NRXN3: variants seen among roughly 807,000 people sequenced by gnomAD.
NRXN3 encodes neurexin 3, also known as neurexin III.
NRXN3 carries 32 observed loss-of-function variants against 137.6 expected under a neutral mutation model. The ratio of observed to expected loss-of-function variants is 0.23; its 90% CI spans 0.18 to 0.31. The LOEUF is 0.31. NRXN3 is among the 10% of genes least tolerant of loss of function. NRXN3 has a pLI of 1.00. For missense variants in NRXN3, 1,574 were observed against 2,062.5 expected, an observed-to-expected ratio of 0.76 and a Z score of 4.59; for synonymous variants, 798 against 784.5, an observed-to-expected ratio of 1.02 and a Z score of -0.29.
intron 10 of NRXN3, among the ~76,000 whole-genome samples, chr14:78,898,117 A>G (rs2099183702): frequency 6.6e-6 from 1 of 151,902 alleles, no homozygotes; most frequent in South Asian, 2.1e-4. Flanking sequence ...TTTTTAATAA[A>G]TCTAGTAATA....
chr14:78,614,690 C>T (rs1183106378), intron 4 of NRXN3, among the ~76,000 whole-genome samples: 1 of 152,126 alleles, frequency 6.6e-6, no homozygotes, highest in Non-Finnish European at 1.5e-5. Context: ...ATATTTTGCA[C>T]TTGAAGTTTG....
At chr14:78,279,782 G>A (rs958411028) in intron 3 of NRXN3, 2 of 152,082 alleles carry the variant, frequency 1.3e-5, no homozygotes, top group African/African-American at 2.4e-5. Context: ...GTTTGTTTTT[G>A]CTTAGAGATA....
At chr14:79,850,712 G>T (rs1355851510) in intron 20 of NRXN3, among the ~76,000 whole-genome samples, 2 of 152,054 alleles carry the variant, frequency 1.3e-5, no homozygotes, top group African/African-American at 2.4e-5. Flanking sequence ...ATGAAATCAG[G>T]CAGTTATTAA....
chr14:78,666,410 A>G (rs2097887130), intron 6 of NRXN3, among the ~76,000 whole-genome samples: 1 of 152,202 alleles, frequency 6.6e-6, no homozygotes, highest in African/African-American at 2.4e-5. Context: ...AAAAGGAAAG[A>G]TAAGAAAAGC....
intron 15 of NRXN3, among the ~76,000 whole-genome samples, chr14:79,236,709 G>T (rs1217702856): frequency 2.6e-5 from 4 of 151,952 alleles, no homozygotes; most frequent in African/African-American, 9.7e-5. Context: ...CTCAAGAGTT[G>T]GAGACCAGCC....
chr14:79,504,939 G>T (rs977740944), intron 16 of NRXN3, among the ~76,000 whole-genome samples: 1 of 151,978 alleles, frequency 6.6e-6, no homozygotes, highest in Admixed American at 6.6e-5. Flanking sequence ...AAATGGCTGC[G>T]CTCAGTGGCT....
At chr14:78,869,351 C>T (rs946234880) in intron 10 of NRXN3, among the ~76,000 whole-genome samples, 1 of 152,112 alleles carries the variant, frequency 6.6e-6, no homozygotes, top group African/African-American at 2.4e-5. Context: ...ATTTCTATTT[C>T]CAGGCATATC....
chr14:78,591,410 A>G (rs780312705), intron 4 of NRXN3, among the ~76,000 whole-genome samples: 9 of 152,154 alleles, frequency 5.9e-5, no homozygotes, highest in Admixed American at 1.3e-4. Context: ...TGTGGACCAC[A>G]TTTTGAGTAG....
At position 79,867,873 on chromosome 14, in the gene NRXN3, C is replaced by T. The variant is rs981143700; in HGVS notation, c.*5909C>T. 1.3e-5 allele frequency: 2 copies of T among 151,526 alleles called. No individual in the cohort carries two copies. The highest frequency in any genetic ancestry group is 4.9e-5 in the African/African-American group (2 of 41,186). 9.4% of individuals were successfully genotyped at this position (151,526 alleles called of 1,614,324 possible). ...TGTTAGGGTTGCATGAGAGTGAGGGCATATAAGACAACAACAGCTAAAAGC... is the reference window on the plus strand; with the variant it reads ...TGTTAGGGTTGCATGAGAGTGAGGGTATATAAGACAACAACAGCTAAAAGC... On this transcript the variant is annotated 3_prime_UTR_variant, in exon 21 of 21. Transcript: ENST00000335750.
At chr14:78,328,331 A>G (rs2080354276) in intron 4 of NRXN3, among the ~76,000 whole-genome samples, 1 of 152,202 alleles carries the variant, frequency 6.6e-6, no homozygotes, top group Non-Finnish European at 1.5e-5. Context: ...TTTTCCAGCA[A>G]CTACTCAAGT....
intron 15 of NRXN3, among the ~76,000 whole-genome samples, chr14:79,460,799 G>A (rs1184014757): frequency 2.0e-5 from 3 of 152,150 alleles, no homozygotes; most frequent in Non-Finnish European, 4.4e-5. Context: ...TAACTGTTAG[G>A]CAATGTTGTC....
intron 10 of NRXN3, among the ~76,000 whole-genome samples, chr14:78,831,274 GAAC>G (rs2098980911): frequency 6.6e-6 from 1 of 151,970 alleles, no homozygotes; most frequent in South Asian, 2.1e-4. Context: ...AAAAAGAATA[GAAC>G]AATATCACAC....
At chr14:79,770,905 A>C (rs1449689067) in intron 19 of NRXN3, among the ~76,000 whole-genome samples, 1 of 152,208 alleles carries the variant, frequency 6.6e-6, no homozygotes, top group Non-Finnish European at 1.5e-5. Flanking sequence ...AAAAGAGAGA[A>C]GAATCAAATA....
chr14:79,139,940 T>C (rs560066794), intron 15 of NRXN3, among the ~76,000 whole-genome samples: 1 of 149,540 alleles, frequency 6.7e-6, no homozygotes, highest in Non-Finnish European at 1.5e-5. Context: ...ATACATGGCA[T>C]ATATACATAT....
intron 1 of NRXN3, among the ~76,000 whole-genome samples, chr14:78,179,832 C>CTT (rs2059637167): frequency 3.0e-5 from 3 of 100,302 alleles, no homozygotes; most frequent in Non-Finnish European, 4.3e-5. Context: ...TTGTTTGTTT[C>CTT]TGTTTTTTTG....
chr14:79,615,416 C>A (rs1391818300), intron 16 of NRXN3, among the ~76,000 whole-genome samples: 1 of 152,118 alleles, frequency 6.6e-6, no homozygotes, highest in Non-Finnish European at 1.5e-5. Flanking sequence ...TAGAGAAAGT[C>A]ATTTTAGAAA....
chr14:79,339,706 T>C (rs1403667844), intron 15 of NRXN3, among the ~76,000 whole-genome samples: 2 of 152,178 alleles, frequency 1.3e-5, no homozygotes, highest in East Asian at 1.9e-4. Flanking sequence ...CCAAGGTCTT[T>C]GGAGAGTTGA....
At chr14:78,361,228 T>C (rs1247127065) in intron 4 of NRXN3, among the ~76,000 whole-genome samples, 1 of 152,248 alleles carries the variant, frequency 6.6e-6, no homozygotes. Flanking sequence ...GAAATAAAAA[T>C]CTCTGGGCAT....
intron 4 of NRXN3, among the ~76,000 whole-genome samples, chr14:78,334,558 T>G (rs1597442596): frequency 6.6e-6 from 1 of 152,184 alleles, no homozygotes; most frequent in African/African-American, 2.4e-5. Context: ...CTGTCTTTGA[T>G]CTCGTCTGAA....
Sources: allele counts gnomAD v4.1 joint callset (sites outside exome capture counted in the v4.1 genomes callset), GRCh38; gene constraint gnomAD v4.1.1; transcripts MANE v1.5; gene names NCBI Gene and HGNC (gene_info 2026-07-23, HGNC 2026-07-21).